The following RBM34 variants were observed in gnomAD, a reference collection of about 807,000 sequenced individuals.
RBM34 encodes RNA-binding protein 34.
In RBM34, 39 loss-of-function variants were observed where a neutral mutation model predicts 44.6. That is an observed-to-expected ratio of 0.87 (90% CI 0.68 to 1.14). The LOEUF (loss-of-function observed/expected upper bound fraction) is 1.14. Ranked by LOEUF, RBM34 falls within the 50% of genes most tolerant of loss-of-function variation. The probability of loss-of-function intolerance (pLI) is 0.00; values close to 1 mark genes in which losing one functional copy is unlikely to be tolerated. For synonymous variants in RBM34, 194 were observed against 184.0 expected, an observed-to-expected ratio of 1.05 and a Z score of -0.44; for missense variants, 572 against 517.9, an observed-to-expected ratio of 1.10 and a Z score of -1.01.
chr1:235,160,773 T>C, intron 2 of RBM34, 120 bp downstream of exon 2: 1 of 1,508,032 alleles, frequency 6.6e-7, no homozygotes, highest in Middle Eastern at 1.8e-4. Flanking sequence ...CATGAAAGGT[T>C]ACTTAAAATG....
In RBM34 at chr1:235,160,589, C is replaced by G. The variant is rs1662666719; in HGVS notation, c.287G>C (p.Arg96Thr). 1 of 1,613,842 alleles carries G rather than the reference C, an allele frequency of 6.2e-7. No individual in the cohort carries two copies. Among genetic ancestry groups the G allele is most frequent in the Non-Finnish European group, 8.5e-7 (1 of 1,179,966 alleles). ...EEEESTSQIE[R>T]PLSQEPAKKV... Reference sequence around the variant, plus strand: ...TTTGGCAGGTTCTTGCGAAAGTGGTCTTTCAATCTGGGATGTACTTTCTTC... The same window carrying G: ...TTTGGCAGGTTCTTGCGAAAGTGGTGTTTCAATCTGGGATGTACTTTCTTC... The change falls in exon 3 of 11, where the codon AGA becomes ACA. Residue 96 changes from arginine to threonine, a missense_variant. Physicochemically the swap from Arg to Thr is moderately conservative, Grantham distance 71. Coordinates refer to ENST00000408888, the MANE Select transcript of RBM34 (RefSeq NM_015014.4).
chr1:235,151,868 A>C (rs1255958472), intron 5 of RBM34, among the ~76,000 whole-genome samples: 1 of 152,116 alleles, frequency 6.6e-6, no homozygotes, highest in Non-Finnish European at 1.5e-5. Context: ...CCCTGTCCGG[A>C]CTAAAAATAC....
intron 6 of RBM34, among the ~76,000 whole-genome samples, chr1:235,141,179 C>T (rs912654782): frequency 1.3e-5 from 2 of 151,298 alleles, no homozygotes; most frequent in South Asian, 2.1e-4. Context: ...GTGCACCAAT[C>T]GACACTCTGT....
chr1:235,136,665 T>C (rs557598312), intron 8 of RBM34, among the ~76,000 whole-genome samples: 25 of 152,358 alleles, frequency 1.6e-4, no homozygotes, highest in African/African-American at 4.3e-4. Context: ...TGAACTGTTA[T>C]AACTGTCCTT....
In RBM34 at chr1:235,160,559, AC is replaced by A; in HGVS notation, c.316del (p.Val106Ter). The A allele has an allele frequency of 1.2e-6, 2 of 1,613,932 alleles. No homozygotes were observed. The highest frequency in any genetic ancestry group is 8.5e-7 in the Non-Finnish European group (1 of 1,179,976). ...GTTAGTGTGTTTCTTCTTCGCTTTC[AC>A]TTTTTTGGCAGGTTCTTGCGAAAGT... ...RPLSQEPAKK[V>X]KAKKKHTNAE... is the part of the protein sequence containing the mutation. On this transcript the variant is annotated frameshift_variant, in exon 3 of 11. Transcript: ENST00000408888. LOFTEE classifies it high-confidence loss of function.
intron 10 of RBM34, among the ~76,000 whole-genome samples, chr1:235,132,610 A>G (rs1357014225): frequency 1.3e-5 from 2 of 151,828 alleles, no homozygotes; most frequent in Non-Finnish European, 2.9e-5. Flanking sequence ...CCTGGCCCCC[A>G]TATGCAATAT....
chr1:235,155,807 T>TTATACATACA (rs1662380553), intron 3 of RBM34, among the ~76,000 whole-genome samples: 1 of 103,252 alleles, frequency 9.7e-6, no homozygotes, highest in Non-Finnish European at 1.9e-5. Flanking sequence ...GTCCAGTCTT[T>TTATACATACA]TATACATACA....
intron 3 of RBM34, 39 bp from the exon 4 acceptor site, chr1:235,155,151 T>G (rs373046570): frequency 1.3e-6 from 2 of 1,531,156 alleles, no homozygotes; most frequent in Admixed American, 1.7e-5. Context: ...GTAAGAGTCA[T>G]GCCAGTTAGG....
chr1:235,137,301 G>A (rs1339732833), intron 8 of RBM34, among the ~76,000 whole-genome samples: 3 of 152,092 alleles, frequency 2.0e-5, no homozygotes, highest in Non-Finnish European at 2.9e-5. Flanking sequence ...TCTAGACCTC[G>A]GTCTATAATG....
At chr1:235,142,299 A>G (rs539675993) in intron 6 of RBM34, among the ~76,000 whole-genome samples, 11 of 152,124 alleles carry the variant, frequency 7.2e-5, no homozygotes, top group African/African-American at 2.4e-4. Context: ...TTATTTTGAG[A>G]CGGAGTTTCT....
rs537095802 is a variant in RBM34 at position 235,137,529 on chromosome 1, A to T, written c.849+348T>A. 6.1e-5 allele frequency among the ~76,000 whole-genome samples: 9 copies of T among 147,618 alleles called. No homozygotes were observed. The South Asian group carries it at 1.9e-3, about 31-fold the overall frequency. On this transcript the variant is annotated intron_variant, in intron 8 of 10. Coordinates refer to ENST00000408888, the MANE Select transcript of RBM34 (RefSeq NM_015014.4). ...AGCTGGGACTGTCGGCATGCATCAC[A>T]CACTTGACTAATTTTTTTTTTTTTT... is the stretch of plus-strand genomic sequence containing the variant.
intron 5 of RBM34, among the ~76,000 whole-genome samples, chr1:235,149,293 G>A (rs572299204): frequency 1.3e-5 from 2 of 151,238 alleles, no homozygotes; most frequent in East Asian, 3.9e-4. Context: ...GGAGGCTGAG[G>A]CAGGAGAATG....
intron 7 of RBM34, 57 bp downstream of exon 7, chr1:235,138,034 G>T: frequency 6.5e-7 from 1 of 1,542,622 alleles, no homozygotes; most frequent in South Asian, 1.1e-5. Context: ...AATAAAAAAA[G>T]TACTCATACA....
At chr1:235,155,253 T>C (rs1295081181) in intron 3 of RBM34, 141 bp from the exon 4 acceptor site, 2 of 702,274 alleles carry the variant, frequency 2.8e-6, no homozygotes, top group Non-Finnish European at 4.8e-6. Flanking sequence ...CTCACAAATA[T>C]ATCAAAATTT....
At chr1:235,148,547 G>A in intron 5 of RBM34, 100 bp from the exon 6 acceptor site, 1 of 782,268 alleles carries the variant, frequency 1.3e-6, no homozygotes, top group Non-Finnish European at 1.9e-6. Flanking sequence ...AGTACACTGT[G>A]ATCAAAAACA....
chr1:235,153,129 T>TC (rs1191021467), intron 4 of RBM34, among the ~76,000 whole-genome samples: 1 of 152,040 alleles, frequency 6.6e-6, no homozygotes, highest in Non-Finnish European at 1.5e-5. Context: ...ATCAGCCTCT[T>TC]CAAGTGCTGG....
At position 235,154,884 on chromosome 1, in the gene RBM34, C is replaced by CTTATTACATGTAACAGGCAAATTCCCAA; in HGVS notation, c.566_593dup (p.Lys198AsnfsTer9). On this transcript the variant is annotated stop_gained and frameshift_variant, in exon 4 of 11. Coordinates refer to ENST00000408888, the MANE Select transcript of RBM34 (RefSeq NM_015014.4). LOFTEE classifies it high-confidence loss of function. ...CTTTTACCATATACAAACTCACCTTCTTATTACATGTAACAGGCAAATTCC... is the reference window on the plus strand; with the variant it reads ...CTTTTACCATATACAAACTCACCTTCTTATTACATGTAACAGGCAAATTCCCAATTATTACATGTAACAGGCAAATTCC... The CTTATTACATGTAACAGGCAAATTCCCAA allele has an allele frequency of 6.2e-7, 1 of 1,610,962 alleles. No homozygotes were observed. Among genetic ancestry groups the CTTATTACATGTAACAGGCAAATTCCCAA allele is most frequent in the Non-Finnish European group, 8.5e-7 (1 of 1,177,454 alleles).
Position 235,148,453 on chromosome 1 carries a change from A to G in RBM34, c.658-6T>C. The G allele has an allele frequency of 6.3e-7, 1 of 1,582,306 alleles. No homozygotes were observed. Among genetic ancestry groups the G allele is most frequent in the South Asian group, 1.2e-5 (1 of 84,860 alleles). ...AGCGTTCCCTCTGCTGGAATCTTTC[A>G]AGAGAAAAAAAAAAGTATTAAAGAC... On this transcript the variant is annotated splice_region_variant and splice_polypyrimidine_tract_variant and intron_variant, in intron 5 of 10. Coordinates refer to ENST00000408888, the MANE Select transcript of RBM34 (RefSeq NM_015014.4).
In RBM34 at chr1:235,158,294, G is replaced by A. The variant is rs750286969; in HGVS notation, c.365+2217C>T. Among the ~76,000 whole-genome samples, 8 of 151,950 alleles carry A rather than the reference G, an allele frequency of 5.3e-5. No homozygotes were observed. The South Asian group carries it at 1.0e-3, about 20-fold the overall frequency. ...TAGCTGGGTGTGGTGGTGGGCGCCT[G>A]TAATCCCAGCTACTCAGGAGGCTGA... On this transcript the variant is annotated intron_variant, in intron 3 of 10. Transcript: ENST00000408888.
Sources: allele counts gnomAD v4.1 joint callset (sites outside exome capture counted in the v4.1 genomes callset), GRCh38; gene constraint gnomAD v4.1.1; transcripts MANE v1.5; gene names NCBI Gene and HGNC (gene_info 2026-07-23, HGNC 2026-07-21).